TMCC1: variants seen among roughly 807,000 people sequenced by gnomAD.
TMCC1 encodes the protein transmembrane and coiled-coil domain family 1, also known as transmembrane and coiled-coil domains protein 1.
TMCC1 carries 15 observed loss-of-function variants against 52.4 expected under a neutral mutation model. The observed-to-expected ratio is 0.29, with a 90% confidence interval of 0.19 to 0.44. The LOEUF is 0.44. Among genes scored for constraint, TMCC1 ranks in the 20% least tolerant of loss-of-function variants. The probability of loss-of-function intolerance (pLI) is 1.00; values close to 1 mark genes in which losing one functional copy is unlikely to be tolerated. For synonymous variants in TMCC1, 279 were observed against 301.9 expected, an observed-to-expected ratio of 0.92 and a Z score of 0.79; for missense variants, 503 against 806.0, an observed-to-expected ratio of 0.62 and a Z score of 4.55.
intron 2 of TMCC1, among the ~76,000 whole-genome samples, chr3:129,835,893 G>A (rs1224817571): frequency 1.3e-5 from 2 of 151,968 alleles, no homozygotes; most frequent in Non-Finnish European, 2.9e-5. Flanking sequence ...TATTTAAGCA[G>A]CAAAATATAA....
chr3:129,656,881 C>T (rs1396391246), intron 5 of TMCC1, among the ~76,000 whole-genome samples: 1 of 152,180 alleles, frequency 6.6e-6, no homozygotes. Flanking sequence ...CAGGTCCCAT[C>T]CCTAGAATTG....
In TMCC1 at chr3:129,651,915, G is replaced by A. The variant is rs2310917; in HGVS notation, c.1648-120C>T. 126,106 of 1,106,382 alleles carry A rather than the reference G, an allele frequency of 0.11. 11,989 individuals are homozygous for A. Among genetic ancestry groups the A allele is most frequent in the East Asian group, 0.54 (20,625 of 38,470 alleles). 68.5% of individuals were successfully genotyped at this position (1,106,382 alleles called of 1,614,324 possible). On this transcript the variant is annotated intron_variant, in intron 6 of 6. Coordinates refer to ENST00000393238, the MANE Select transcript of TMCC1 (RefSeq NM_001017395.5). The surrounding 1 kb of genome is among the most constrained non-coding windows in gnomAD (Gnocchi z 5.1). ...ATGCCAATGATTTTATAAATATGCTGGAGCCTTGAATGAATGTAAAAGGCT... is the reference window on the plus strand; with the variant it reads ...ATGCCAATGATTTTATAAATATGCTAGAGCCTTGAATGAATGTAAAAGGCT...
rs995921048 is a variant in TMCC1 at position 129,893,608 on chromosome 3, C to G, written c.-549G>C. 6.6e-5 allele frequency: 10 copies of G among 152,122 alleles called. No homozygotes were observed. Among genetic ancestry groups the G allele is most frequent in the African/African-American group, 1.9e-4 (8 of 41,226 alleles). The allele number at this position is 152,122 out of a possible 1,614,324, so 9.4% of individuals were successfully genotyped here. ...GGTCCATCCCCCACAACCACCCCCC[C>G]CTCCCGACCCTCCCCCCGCGCCGCC... On this transcript the variant is annotated 5_prime_UTR_variant, in exon 1 of 7. Transcript: ENST00000393238.
At chr3:129,695,902 T>C (rs1028919559) in intron 4 of TMCC1, among the ~76,000 whole-genome samples, 1 of 152,334 alleles carries the variant, frequency 6.6e-6, no homozygotes, top group African/African-American at 2.4e-5. Context: ...CTGGGTTTTA[T>C]TTAACCCTAT....
chr3:129,881,219 A>G (rs2061444913), intron 1 of TMCC1, among the ~76,000 whole-genome samples: 1 of 152,202 alleles, frequency 6.6e-6, no homozygotes, highest in South Asian at 2.1e-4. Flanking sequence ...AGGTAATACC[A>G]GTGACCACGC....
In TMCC1 at chr3:129,773,646, T is replaced by G. The variant is rs2896582; in HGVS notation, c.576+54157A>C. Among the ~76,000 whole-genome samples, 5 of 152,294 alleles carry G rather than the reference T, an allele frequency of 3.3e-5. 1 individual carries two copies. In the South Asian group the frequency reaches 1.0e-3, roughly 32 times the overall value. On this transcript the variant is annotated intron_variant, in intron 4 of 6. Coordinates refer to ENST00000393238, the MANE Select transcript of TMCC1 (RefSeq NM_001017395.5). ...CAGACAGAATTATTTCAAGTTACTT[T>G]AAAAAATATTTTTACCGGCTGGGCG... is the stretch of plus-strand genomic sequence containing the variant.
intron 4 of TMCC1, among the ~76,000 whole-genome samples, chr3:129,719,792 CT>C (rs1301093916): frequency 1.3e-5 from 2 of 152,066 alleles, no homozygotes; most frequent in Non-Finnish European, 2.9e-5. Context: ...AAAGGCACAT[CT>C]GATTTGGCCT....
At chr3:129,780,518 C>T (rs1473207138) in intron 4 of TMCC1, among the ~76,000 whole-genome samples, 1 of 152,040 alleles carries the variant, frequency 6.6e-6, no homozygotes, top group Non-Finnish European at 1.5e-5. Flanking sequence ...TCTAAATTCT[C>T]TACTTCCAAA....
At chr3:129,688,627 T>C in intron 4 of TMCC1, 1 of 985,448 alleles carries the variant, frequency 1.0e-6, no homozygotes, top group Non-Finnish European at 1.2e-6. Context: ...GCTTTCTATA[T>C]CTGGGAGCCT....
chr3:129,692,661 T>A (rs1036259276), intron 4 of TMCC1, among the ~76,000 whole-genome samples: 20 of 152,214 alleles, frequency 1.3e-4, no homozygotes, highest in African/African-American at 4.8e-4. Flanking sequence ...CCATTCTCTC[T>A]ACCCAGTTTT....
intron 4 of TMCC1, among the ~76,000 whole-genome samples, chr3:129,808,596 C>A (rs1489167406): frequency 6.6e-6 from 1 of 150,942 alleles, no homozygotes; most frequent in Admixed American, 6.6e-5. Flanking sequence ...AAAATTAAAG[C>A]AATTAACTCC....
chr3:129,743,887 C>T (rs2051681412), intron 4 of TMCC1, among the ~76,000 whole-genome samples: 1 of 150,254 alleles, frequency 6.7e-6, no homozygotes. Context: ...TTAAAAAAAT[C>T]AGATTTCTTT....
intron 4 of TMCC1, among the ~76,000 whole-genome samples, chr3:129,782,691 G>C (rs113183491): frequency 6.6e-6 from 1 of 152,172 alleles, no homozygotes. Flanking sequence ...GGAGGAAAGA[G>C]AGAGGGGCAT....
chr3:129,809,202 G>A lies in TMCC1; in HGVS notation c.576+18601C>T, dbSNP rs994520220. On this transcript the variant is annotated intron_variant, in intron 4 of 6. Coordinates refer to ENST00000393238, the MANE Select transcript of TMCC1 (RefSeq NM_001017395.5). ...GTGGAGCTTGCAGTGAGCTGAGATC[G>A]CGCCACTGCACTCCAGCCTAGGCGA... Among the ~76,000 whole-genome samples the A allele has an allele frequency of 1.1e-4, 16 of 140,874 alleles. No homozygotes were observed. The South Asian group carries it at 2.7e-3, about 24-fold the overall frequency. 92.4% of individuals were successfully genotyped at this position (140,874 alleles called of 152,430 possible).
intron 4 of TMCC1, chr3:129,794,288 T>G (rs2056668415): frequency 2.2e-6 from 1 of 455,512 alleles, no homozygotes; most frequent in Admixed American, 2.4e-5. Context: ...CAAGTGAGAG[T>G]TTCCCCTCCA....
intron 4 of TMCC1, among the ~76,000 whole-genome samples, chr3:129,772,813 G>A (rs1341208521): frequency 6.7e-6 from 1 of 150,086 alleles, no homozygotes; most frequent in Non-Finnish European, 1.5e-5. Flanking sequence ...CTCACAATAA[G>A]AGAGATATAA....
At chr3:129,782,115 C>A (rs1432392296) in intron 4 of TMCC1, among the ~76,000 whole-genome samples, 1 of 152,012 alleles carries the variant, frequency 6.6e-6, no homozygotes. Flanking sequence ...GACATTCTAA[C>A]TGAGATGTCA....
chr3:129,858,624 A>C (rs1204782080), intron 2 of TMCC1, among the ~76,000 whole-genome samples: 1 of 152,074 alleles, frequency 6.6e-6, no homozygotes, highest in Admixed American at 6.6e-5. Context: ...CACCCACCTC[A>C]GCCTCCCAAA....
chr3:129,878,448 C>G (rs2061323531), intron 2 of TMCC1, among the ~76,000 whole-genome samples: 1 of 152,212 alleles, frequency 6.6e-6, no homozygotes, highest in South Asian at 2.1e-4. Flanking sequence ...CATATCCAAT[C>G]TATCAGCAAA....
Sources: gnomAD v4.1 joint callset for allele counts (sites outside exome capture counted in the v4.1 genomes callset) on GRCh38, gnomAD v4.1.1 for gene constraint, Gnocchi (gnomAD v3.1) non-coding constraint, MANE v1.5 for transcripts, NCBI Gene and HGNC (gene_info 2026-07-23, HGNC 2026-07-21) for gene names.